The following OLAH variants were observed in gnomAD, a reference collection of about 807,000 sequenced individuals.
The protein encoded by OLAH is oleoyl-ACP hydrolase, also known as S-acyl fatty acid synthase thioesterase, medium chain.
OLAH carries 33 observed loss-of-function variants against 27.8 expected under a neutral mutation model. The ratio of observed to expected loss-of-function variants is 1.19; its 90% CI spans 0.90 to 1.59. OLAH has a LOEUF of 1.59. Among genes scored for constraint, OLAH ranks in the 40% most tolerant of loss-of-function variants. The pLI is 0.00. For missense variants in OLAH, 359 were observed against 310.8 expected (o/e 1.16, Z -1.17); for synonymous variants, 120 against 102.9 (o/e 1.17, Z -1.01).
In OLAH at chr10:15,049,006, C is replaced by T. The variant is rs189856271; in HGVS notation, c.33-629C>T. ...TAATCTCAACTACATGGGAGGCTGA[C>T]GCAGGAGAATCACTTGAACCTGGAA... On this transcript the variant is annotated intron_variant, in intron 2 of 7. Transcript: ENST00000378228. Among the ~76,000 whole-genome samples, 5 of 151,618 alleles carry T rather than the reference C, an allele frequency of 3.3e-5. No individual in the cohort carries two copies. The South Asian group carries it at 6.3e-4, about 19-fold the overall frequency.
upstream of OLAH, among the ~76,000 whole-genome samples, chr10:15,040,134 CTT>C (rs1389543249): frequency 1.3e-5 from 2 of 152,178 alleles, no homozygotes; most frequent in Non-Finnish European, 2.9e-5. Flanking sequence ...CCTGGGGCCT[CTT>C]TTTCCCCAGA....
upstream of OLAH, among the ~76,000 whole-genome samples, chr10:15,043,612 C>G (rs1192056461): frequency 6.6e-6 from 1 of 151,780 alleles, no homozygotes; most frequent in Non-Finnish European, 1.5e-5. Flanking sequence ...GTAGCAGGTG[C>G]CTACCACCAT....
intron 3 of OLAH, among the ~76,000 whole-genome samples, chr10:15,051,219 G>A (rs1206862223): frequency 1.3e-5 from 2 of 151,890 alleles, no homozygotes; most frequent in Admixed American, 6.6e-5. Flanking sequence ...GGGATTACAG[G>A]CACACGCCAC....
intron 3 of OLAH, among the ~76,000 whole-genome samples, chr10:15,059,038 C>T (rs1314404801): frequency 8.4e-6 from 1 of 119,034 alleles, no homozygotes; most frequent in Non-Finnish European, 1.8e-5. Flanking sequence ...CCTTCCTTCC[C>T]TCTCTCCTTC....
chr10:15,040,080 T>C (rs538377491), upstream of OLAH, among the ~76,000 whole-genome samples: 25 of 152,224 alleles, frequency 1.6e-4, no homozygotes, highest in African/African-American at 6.0e-4. Flanking sequence ...CCCCATTCCT[T>C]CTCTCCTATG....
At position 15,036,298 on chromosome 10, in the gene OLAH, G is replaced by A. The variant is rs529735491; in HGVS notation, c.-164+3948G>A. On this transcript the variant is annotated intron_variant, in intron 1 of 3. Transcript: ENST00000413672. ...GGATCGCTTGAGGTCAGGAGTTCAA[G>A]ACCAGCCTGGGCAAAATGGCGAAAC... Among the ~76,000 whole-genome samples, 4 of 152,268 alleles carry A rather than the reference G, an allele frequency of 2.6e-5. No individual in the cohort carries two copies. In the South Asian group the frequency reaches 6.2e-4, roughly 24 times the overall value.
chr10:15,050,079 A>G (rs760086751), intron 3 of OLAH, among the ~76,000 whole-genome samples: 9 of 152,094 alleles, frequency 5.9e-5, no homozygotes, highest in Non-Finnish European at 1.3e-4. Flanking sequence ...GATGTGTTCT[A>G]TTTTCCCTTT....
chr10:15,039,902 G>A (rs1157190369), upstream of OLAH, among the ~76,000 whole-genome samples: 1 of 152,178 alleles, frequency 6.6e-6, no homozygotes, highest in Non-Finnish European at 1.5e-5. Context: ...CTGTGCCAAG[G>A]TAGGTACCCT....
upstream of OLAH, among the ~76,000 whole-genome samples, chr10:15,041,561 A>G (rs1426378049): frequency 7.0e-6 from 1 of 143,348 alleles, no homozygotes; most frequent in Non-Finnish European, 1.5e-5. Context: ...TACAGGCGTG[A>G]GCCACCATAC....
intron 7 of OLAH, 46 bp from the exon 8 acceptor site, chr10:15,073,041 A>G (rs559118906): frequency 3.8e-6 from 6 of 1,575,450 alleles, no homozygotes; most frequent in Middle Eastern, 1.7e-4. Flanking sequence ...GTGAATCTTT[A>G]GTTGCTGTTG....
rs1194140821 is a variant in OLAH, at chr10:15,073,362, A to AT, written c.*136dup. ...TCAGGGAGATTCGTTACATAAATAT[A>AT]TTTACGTATCTGGGGACAAAGGTCA... On this transcript the variant is annotated 3_prime_UTR_variant, in exon 8 of 8. Transcript: ENST00000378228. 6 of 658,972 alleles carry AT rather than the reference A, an allele frequency of 9.1e-6. No homozygotes were observed. Among genetic ancestry groups the AT allele is most frequent in the African/African-American group, 1.9e-5 (1 of 54,034 alleles). The allele number at this position is 658,972 out of a possible 1,614,324, so 40.8% of individuals were successfully genotyped here. A position where few individuals can be genotyped will look rare whatever the true frequency, so the allele number is the denominator to read the frequency against.
chr10:15,068,839 A>C (rs563800710), intron 6 of OLAH, among the ~76,000 whole-genome samples: 1 of 152,242 alleles, frequency 6.6e-6, no homozygotes, highest in South Asian at 2.1e-4. Flanking sequence ...ACTGGGCTTG[A>C]GCTGGGTAGG....
At chr10:15,059,742 G>T (rs953713714) in intron 3 of OLAH, among the ~76,000 whole-genome samples, 1 of 152,188 alleles carries the variant, frequency 6.6e-6, no homozygotes, top group Non-Finnish European at 1.5e-5. Flanking sequence ...GAAGGCAGAG[G>T]TTGTAGTGAG....
rs150802704 is a variant in OLAH at position 15,073,427 on chromosome 10, A to G, written c.*198A>G. 2,316 of 467,690 alleles carry G rather than the reference A, an allele frequency of 5.0e-3. 46 individuals are homozygous for G. The highest frequency in any genetic ancestry group is 0.043 in the African/African-American group (2,116 of 49,232). The allele number at this position is 467,690 out of a possible 1,614,324, so 29.0% of individuals were successfully genotyped here. ...ACTTCTGGCAGCACTTTGGGAGGCCAAGGCGGGCGGATCACGAGGTCAGGA... is the reference window on the plus strand; with the variant it reads ...ACTTCTGGCAGCACTTTGGGAGGCCGAGGCGGGCGGATCACGAGGTCAGGA... On this transcript the variant is annotated 3_prime_UTR_variant, in exon 8 of 8. Transcript: ENST00000378228.
chr10:15,064,527 G>C (rs766986956), intron 5 of OLAH, 25 bp downstream of exon 5: 4 of 1,350,624 alleles, frequency 3.0e-6, no homozygotes, highest in Non-Finnish European at 4.1e-6. Context: ...TTTTTCCTAG[G>C]AAGGGCAGTG....
intron 3 of OLAH, among the ~76,000 whole-genome samples, chr10:15,060,146 G>T (rs949343222): frequency 3.1e-4 from 47 of 151,876 alleles, no homozygotes; most frequent in African/African-American, 1.1e-3. Context: ...CATTTATTTT[G>T]TCATGTTCTT....
At chr10:15,055,011 C>A (rs12766647) in intron 3 of OLAH, among the ~76,000 whole-genome samples, 10,732 of 152,086 alleles carry the variant, frequency 0.071, 412 homozygotes, top group Middle Eastern at 0.14. Context: ...GTCACCCAGG[C>A]TAGAGTGCAG....
At chr10:15,070,147 GT>G (rs58944519) in intron 6 of OLAH, among the ~76,000 whole-genome samples, 96,741 of 144,604 alleles carry the variant, frequency 0.67, 32,970 homozygotes, top group African/African-American at 0.84. Flanking sequence ...CAGTTTCTCT[GT>G]TTTTTTTTTT....
intron 7 of OLAH, among the ~76,000 whole-genome samples, chr10:15,072,153 C>T (rs770300270): frequency 5.3e-5 from 8 of 152,080 alleles, no homozygotes; most frequent in Non-Finnish European, 8.8e-5. Context: ...AGGCTGGCCT[C>T]GAACTCCTGA....
Sources: allele counts gnomAD v4.1 joint callset (sites outside exome capture counted in the v4.1 genomes callset), GRCh38; gene constraint gnomAD v4.1.1; transcripts MANE v1.5; gene names NCBI Gene and HGNC (gene_info 2026-07-23, HGNC 2026-07-21).